The following CDADC1 variants were observed in gnomAD, a reference collection of about 807,000 sequenced individuals.
CDADC1 encodes dCTP deaminase.
A neutral mutation model predicts 54.9 loss-of-function variants in CDADC1; 39 were observed. The ratio of observed to expected loss-of-function variants is 0.71; its 90% CI spans 0.55 to 0.93. The LOEUF (loss-of-function observed/expected upper bound fraction) is 0.93. Among genes scored for constraint, CDADC1 ranks in the 40% least tolerant of loss-of-function variants. The probability of loss-of-function intolerance (pLI) is 0.00; values close to 1 mark genes in which losing one functional copy is unlikely to be tolerated. For synonymous variants in CDADC1, 186 were observed against 204.0 expected (o/e 0.91, Z 0.75); for missense variants, 518 against 618.8 (o/e 0.84, Z 1.73).
intron 4 of CDADC1, among the ~76,000 whole-genome samples, chr13:49,264,335 C>T (rs112333091): frequency 1.3e-5 from 2 of 152,242 alleles, no homozygotes; most frequent in African/African-American, 4.8e-5. Context: ...TTTCCATGCC[C>T]TGATTTCTCT....
At chr13:49,266,974 A>G (rs999156646) in intron 4 of CDADC1, among the ~76,000 whole-genome samples, 2 of 152,170 alleles carry the variant, frequency 1.3e-5, no homozygotes, top group Non-Finnish European at 2.9e-5. Context: ...GGGCTTTGGG[A>G]TCACACTTCA....
chr13:49,273,119 G>C (rs1455615670), intron 5 of CDADC1, among the ~76,000 whole-genome samples: 1 of 152,166 alleles, frequency 6.6e-6, no homozygotes, highest in East Asian at 1.9e-4. Flanking sequence ...AATTTTATTA[G>C]AGTATCATAA....
At position 49,248,265 on chromosome 13, in the gene CDADC1, C is replaced by CT. The variant is rs955768090; in HGVS notation, c.82+147dup. 6 of 701,814 alleles carry CT rather than the reference C, an allele frequency of 8.5e-6. No individual in the cohort carries two copies. In the African/African-American group the frequency reaches 8.9e-5, roughly 10 times the overall value. 43.5% of individuals were successfully genotyped at this position (701,814 alleles called of 1,614,324 possible). A position where few individuals can be genotyped will look rare whatever the true frequency, so the allele number is the denominator to read the frequency against. On this transcript the variant is annotated intron_variant, in intron 1 of 9. Transcript: ENST00000251108. The stretch of plus-strand genomic sequence containing the variant: ...CTCCTGCCCGCCCTCTGCGTGTCCC[C>CT]TCCGCGGTCGCCAGGACCAATCGGC...
chr13:49,261,237 G>A (rs1159509407), intron 4 of CDADC1, among the ~76,000 whole-genome samples: 1 of 152,164 alleles, frequency 6.6e-6, no homozygotes, highest in Non-Finnish European at 1.5e-5. Context: ...GCTATAAATG[G>A]CAGAACTTCT....
chr13:49,277,174 A>G (rs1463138585), intron 6 of CDADC1, among the ~76,000 whole-genome samples: 1 of 149,882 alleles, frequency 6.7e-6, no homozygotes, highest in East Asian at 2.0e-4. Context: ...GAAATGATCC[A>G]TGTAAAACTC....
intron 9 of CDADC1, among the ~76,000 whole-genome samples, chr13:49,288,743 A>C (rs977730040): frequency 3.3e-5 from 5 of 152,222 alleles, no homozygotes; most frequent in African/African-American, 1.2e-4. Context: ...ACAGAGAAGG[A>C]AGGCAGGCAG....
intron 9 of CDADC1, 74 bp from the exon 10 acceptor site, chr13:49,291,610 A>T: frequency 2.1e-6 from 3 of 1,400,406 alleles, no homozygotes; most frequent in Non-Finnish European, 2.9e-6. Flanking sequence ...TGCTCTTACA[A>T]CATGTAAGGC....
At chr13:49,258,422 T>C (rs1191848380) in intron 3 of CDADC1, among the ~76,000 whole-genome samples, 1 of 152,248 alleles carries the variant, frequency 6.6e-6, no homozygotes, top group East Asian at 1.9e-4. Flanking sequence ...TTGTGCCTTA[T>C]GCAGAACTGA....
At chr13:49,279,038 T>C (rs1229461879) in intron 7 of CDADC1, among the ~76,000 whole-genome samples, 1 of 152,216 alleles carries the variant, frequency 6.6e-6, no homozygotes, top group African/African-American at 2.4e-5. Context: ...TGTGTTACAA[T>C]GGCCTGCAGT....
At chr13:49,252,937 G>C (rs964673795) in intron 2 of CDADC1, among the ~76,000 whole-genome samples, 2 of 152,074 alleles carry the variant, frequency 1.3e-5, no homozygotes, top group African/African-American at 2.4e-5. Flanking sequence ...GCCCAATTTT[G>C]TGCCTAATAT....
At chr13:49,278,565 GT>G (rs763771226) in intron 7 of CDADC1, 46 bp downstream of exon 7, 9 of 1,285,458 alleles carry the variant, frequency 7.0e-6, no homozygotes, top group Admixed American at 4.8e-5. Context: ...TGTAGCAAGG[GT>G]TGGTTGAAAT....
At position 49,259,449 on chromosome 13, in the gene CDADC1, G is replaced by A. The variant is rs773203015; in HGVS notation, c.356G>A (p.Gly119Glu). 3 of 1,614,028 alleles carry A rather than the reference G, an allele frequency of 1.9e-6. No homozygotes were observed. Among genetic ancestry groups the A allele is most frequent in the Middle Eastern group, 1.6e-4 (1 of 6,062 alleles). Residue 119 changes from glycine to glutamate, a missense_variant, in exon 4 of 10, where the codon GGG (glycine) becomes GAG (glutamate). Gly to Glu is a moderately conservative substitution (Grantham distance 98). Transcript: ENST00000251108. ...GGGCAGATTGCTCTTATTAAACATG[G>A]GTCAAGGCTGAAAAACTGTGATCTT... ...HAGQIALIKH[G>E]SRLKNCDLYF...
chr13:49,258,809 C>G (rs1952606214), intron 3 of CDADC1, among the ~76,000 whole-genome samples: 1 of 152,180 alleles, frequency 6.6e-6, no homozygotes, highest in Non-Finnish European at 1.5e-5. Flanking sequence ...CCAGTAGTTT[C>G]TCAAAAGAAA....
At chr13:49,260,514 T>C (rs1047680838) in intron 4 of CDADC1, among the ~76,000 whole-genome samples, 2 of 152,218 alleles carry the variant, frequency 1.3e-5, no homozygotes, top group Non-Finnish European at 2.9e-5. Context: ...TTCTCATCCA[T>C]TGTGGGAACT....
intron 3 of CDADC1, among the ~76,000 whole-genome samples, chr13:49,256,423 A>G (rs1369982574): frequency 3.3e-5 from 5 of 152,212 alleles, no homozygotes; most frequent in African/African-American, 2.4e-5. Flanking sequence ...CCAGGCAGCC[A>G]TCTGTGCCCA....
intron 4 of CDADC1, among the ~76,000 whole-genome samples, chr13:49,266,221 G>C (rs1307260006): frequency 3.3e-5 from 5 of 152,160 alleles, no homozygotes; most frequent in Admixed American, 6.5e-5. Flanking sequence ...TAGCAAAGGG[G>C]TCTCTTTGTT....
chr13:49,248,924 A>G lies in CDADC1; in HGVS notation c.136A>G (p.Met46Val). Residue 46 changes from methionine (M) to valine (V), a missense_variant, in exon 2 of 10, where the codon ATG (methionine) becomes GTG (valine). By Grantham distance (21) the Met-to-Val change is conservative (BLOSUM62 1). Coordinates refer to ENST00000251108, the MANE Select transcript of CDADC1 (RefSeq NM_030911.4). ...VNLFTLLSLW[M>V]ELFPAEAQRQ... ...CCTTTTCACTCTGCTCAGCCTCTGGATGGAGCTCTTTCCAGCAGAAGCCCA... is the reference window on the plus strand; with the variant it reads ...CCTTTTCACTCTGCTCAGCCTCTGGGTGGAGCTCTTTCCAGCAGAAGCCCA... The G allele has an allele frequency of 6.2e-7, 1 of 1,613,258 alleles. No homozygotes were observed. The highest frequency in any genetic ancestry group is 8.5e-7 in the Non-Finnish European group (1 of 1,179,222).
intron 5 of CDADC1, among the ~76,000 whole-genome samples, chr13:49,270,716 A>G (rs1952944841): frequency 6.6e-6 from 1 of 152,226 alleles, no homozygotes; most frequent in Non-Finnish European, 1.5e-5. Context: ...CTTCAAAAAA[A>G]CTGGATGTAA....
intron 2 of CDADC1, among the ~76,000 whole-genome samples, chr13:49,254,520 A>G (rs980479118): frequency 3.3e-5 from 5 of 151,152 alleles, no homozygotes; most frequent in Middle Eastern, 3.4e-3. Context: ...CTCCTGCCTC[A>G]GCCTCCCGAG....
Sources: allele counts gnomAD v4.1 joint callset (sites outside exome capture counted in the v4.1 genomes callset), GRCh38; gene constraint gnomAD v4.1.1; transcripts MANE v1.5; gene names NCBI Gene and HGNC (gene_info 2026-07-23, HGNC 2026-07-21).